HEBP1: variants seen among roughly 807,000 people sequenced by gnomAD.
The protein encoded by HEBP1 is heme-binding protein 1.
HEBP1 carries 13 observed loss-of-function variants against 20.4 expected under a neutral mutation model. That is an observed-to-expected ratio of 0.64 (90% CI 0.42 to 1.01). The LOEUF (loss-of-function observed/expected upper bound fraction) is 1.01. HEBP1 is among the 50% of genes least tolerant of loss of function. The probability of loss-of-function intolerance (pLI) is 0.00; values close to 1 mark genes in which losing one functional copy is unlikely to be tolerated. For synonymous variants in HEBP1, 92 were observed against 90.7 expected (o/e 1.01, Z -0.08); for missense variants, 241 against 247.3 (o/e 0.97, Z 0.17).
intron 1 of HEBP1, among the ~76,000 whole-genome samples, chr12:12,993,012 C>T (rs1037700095): frequency 6.6e-6 from 1 of 152,158 alleles, no homozygotes; most frequent in Non-Finnish European, 1.5e-5. Context: ...GTCTAATACT[C>T]GTTGCAAGGT....
In HEBP1 at chr12:12,998,452, T is replaced by C. The variant is rs1257624073; in HGVS notation, c.78+1585A>G. 1.3e-5 allele frequency among the ~76,000 whole-genome samples: 2 copies of C among 152,150 alleles called. No individual in the cohort carries two copies. The highest frequency in any genetic ancestry group is 4.8e-5 in the African/African-American group (2 of 41,436). On this transcript the variant is annotated intron_variant, in intron 1 of 3. Transcript: ENST00000014930. The surrounding 1 kb of genome is among the most constrained non-coding windows in gnomAD (Gnocchi z 4.2). ...GCCGTTTAGAGATGGGGACCTGAGT[T>C]CACTCTCTGATTTGCCTCAGTCCCC...
intron 1 of HEBP1, among the ~76,000 whole-genome samples, chr12:12,990,127 CACACACACACACACACACACACAA>C (rs1419273596): frequency 0.017 from 318 of 18,630 alleles, 1 homozygote; most frequent in African/African-American, 0.022. Context: ...CACACACACA[CACACACACACACACACACACACAA>C]ACACACACAC....
intron 3 of HEBP1, chr12:12,979,841 A>G (rs1592399467): frequency 6.6e-6 from 1 of 152,206 alleles, no homozygotes; most frequent in Non-Finnish European, 1.5e-5. Flanking sequence ...AATCTCAAAC[A>G]TACACACACC....
rs186343247 is a variant in HEBP1, at chr12:12,976,450, A to G, written c.399-971T>C. On this transcript the variant is annotated intron_variant, in intron 3 of 3. Transcript: ENST00000014930. ...CACTCTAAATCTGGGTTGCACTAAA[A>G]TTTTTATTAGAGTCAAGTACATCCC... 3.8e-3 allele frequency among the ~76,000 whole-genome samples: 577 copies of G among 152,270 alleles called. 5 individuals are homozygous for G. The highest frequency in any genetic ancestry group is 3.8e-3 in the Non-Finnish European group (256 of 68,030).
At chr12:12,989,069 A>T (rs1298420147) in intron 2 of HEBP1, among the ~76,000 whole-genome samples, 1 of 152,234 alleles carries the variant, frequency 6.6e-6, no homozygotes, top group Non-Finnish European at 1.5e-5. Context: ...GATGCCTTCA[A>T]GTGAGGGACA....
rs557898215 is a variant in HEBP1 at position 12,991,383 on chromosome 12, C to T, written c.79-1968G>A. 3.9e-5 allele frequency among the ~76,000 whole-genome samples: 6 copies of T among 152,336 alleles called. No homozygotes were observed. The East Asian group carries it at 9.6e-4, about 24-fold the overall frequency. On this transcript the variant is annotated intron_variant, in intron 1 of 3. Coordinates refer to ENST00000014930, the MANE Select transcript of HEBP1 (RefSeq NM_015987.5). Reference sequence around the variant, plus strand: ...GACACAGCATATCCTCTCCCTAACTCTTGTCTCACTAAATCACAGCCTCCC... The same window carrying T: ...GACACAGCATATCCTCTCCCTAACTTTTGTCTCACTAAATCACAGCCTCCC...
rs1385415322 is a variant in HEBP1 at position 12,996,908 on chromosome 12, T to A, written c.78+3129A>T. Reference sequence around the variant, plus strand: ...TATGAACTATTATTTTCTTCCACAATTAGCTTCAGAGGGGCTAAGTTGGCC... The same window carrying A: ...TATGAACTATTATTTTCTTCCACAAATAGCTTCAGAGGGGCTAAGTTGGCC... On this transcript the variant is annotated intron_variant, in intron 1 of 3. Coordinates refer to ENST00000014930, the MANE Select transcript of HEBP1 (RefSeq NM_015987.5). This position sits in a 1 kb window ranked among gnomAD's most constrained non-coding sequence, Gnocchi z 4.1. 2.0e-5 allele frequency among the ~76,000 whole-genome samples: 3 copies of A among 152,192 alleles called. No individual in the cohort carries two copies. The highest frequency in any genetic ancestry group is 4.4e-5 in the Non-Finnish European group (3 of 68,038).
At position 12,986,217 on chromosome 12, in the gene HEBP1, T is replaced by TAAAAAATACATTCAAAA. The variant is rs1864150485; in HGVS notation, c.398+934_398+935insTTTTGAATGTATTTTTT. The TAAAAAATACATTCAAAA allele has an allele frequency of 2.0e-5, 3 of 152,372 alleles. No individual in the cohort carries two copies. The highest frequency in any genetic ancestry group is 2.9e-5 in the Non-Finnish European group (2 of 68,068). 9.4% of individuals were successfully genotyped at this position (152,372 alleles called of 1,614,324 possible). On this transcript the variant is annotated intron_variant, in intron 3 of 3. Transcript: ENST00000014930. The surrounding 1 kb of genome is among the most constrained non-coding windows in gnomAD (Gnocchi z 4.3). The stretch of plus-strand genomic sequence containing the variant: ...ACATTCACTGTCCTCTGGAGGGCCC[T>TAAAAAATACATTCAAAA]GCAGTCACCTGGCCTAGGACTACAC...
At chr12:12,993,805 A>G (rs1184394133) in intron 1 of HEBP1, among the ~76,000 whole-genome samples, 1 of 152,174 alleles carries the variant, frequency 6.6e-6, no homozygotes, top group East Asian at 1.9e-4. Context: ...GCTATAAGGG[A>G]AGATGCCAGG....
intron 3 of HEBP1, chr12:12,979,818 A>G (rs952508363): frequency 6.6e-6 from 1 of 152,202 alleles, no homozygotes; most frequent in African/African-American, 2.4e-5. Flanking sequence ...TTTGGTTACC[A>G]TGGGAACTGA....
At chr12:12,981,901 C>T (rs776801584) in intron 3 of HEBP1, among the ~76,000 whole-genome samples, 2 of 152,118 alleles carry the variant, frequency 1.3e-5, no homozygotes, top group Non-Finnish European at 2.9e-5. Context: ...TGATGGGGAC[C>T]AAGATCTTTA....
chr12:12,998,654 G>A lies in HEBP1; in HGVS notation c.78+1383C>T, dbSNP rs992382572. 6.6e-6 allele frequency among the ~76,000 whole-genome samples: 1 copy of A among 152,198 alleles called. No homozygotes were observed. Among genetic ancestry groups the A allele is most frequent in the African/African-American group, 2.4e-5 (1 of 41,446 alleles). On this transcript the variant is annotated intron_variant, in intron 1 of 3. Coordinates refer to ENST00000014930, the MANE Select transcript of HEBP1 (RefSeq NM_015987.5). The surrounding 1 kb of genome is among the most constrained non-coding windows in gnomAD (Gnocchi z 4.2). ...TTTGGTTGTCAAAGAGTTCAGATTA[G>A]AGTCTAATTGAGGGCTTTCGTGATA...
chr12:12,999,912 C>T (rs549584842), intron 1 of HEBP1, 125 bp downstream of exon 1: 4 of 556,342 alleles, frequency 7.2e-6, no homozygotes, highest in East Asian at 6.6e-5. Context: ...TCGCGACAGA[C>T]ACCAGAACGC....
Position 12,975,367 on chromosome 12 carries a change from A to G in HEBP1, c.511T>C (p.Tyr171His). The G allele has an allele frequency of 1.2e-6, 2 of 1,614,080 alleles. No individual in the cohort carries two copies. The highest frequency in any genetic ancestry group is 1.7e-6 in the Non-Finnish European group (2 of 1,179,990). Residue 171 changes from tyrosine to histidine, a missense_variant, in exon 4 of 4, where the codon TAT becomes CAT. Tyr to His is a moderately conservative substitution (Grantham distance 83). Coordinates refer to ENST00000014930, the MANE Select transcript of HEBP1 (RefSeq NM_015987.5). ...CCGTAGGGCTTCATGGGAGGGTCAT[A>G]ACCCGTGCAGAAGTAGATGTCCCCC... The part of the protein sequence containing the change: ...YRGDIYFCTG[Y>H]DPPMKPYGRR...
At chr12:12,983,974 G>A (rs891572093) in intron 3 of HEBP1, 4 of 303,834 alleles carry the variant, frequency 1.3e-5, no homozygotes, top group South Asian at 2.8e-5. Context: ...AGAGGCTCCC[G>A]CTGGCCAACA....
rs535002734 is a variant in HEBP1 at position 13,000,018 on chromosome 12, G to A, written c.78+19C>T. On this transcript the variant is annotated intron_variant, in intron 1 of 3. Coordinates refer to ENST00000014930, the MANE Select transcript of HEBP1 (RefSeq NM_015987.5). ...GGAGGCAGCAATCCTTCAGGTCCTC[G>A]GCAGCCCTGCGGGCCTACCTTGTCC... The A allele has an allele frequency of 2.5e-6, 4 of 1,584,708 alleles. No individual in the cohort carries two copies. Among genetic ancestry groups the A allele is most frequent in the South Asian group, 1.1e-5 (1 of 88,950 alleles).
At chr12:12,981,861 T>TC (rs1864087243) in intron 3 of HEBP1, among the ~76,000 whole-genome samples, 2 of 152,128 alleles carry the variant, frequency 1.3e-5, no homozygotes, top group Admixed American at 6.5e-5. Context: ...GGCTGGAAAG[T>TC]TACCAACACA....
At chr12:12,983,522 G>A in intron 3 of HEBP1, 1 of 346,768 alleles carries the variant, frequency 2.9e-6, no homozygotes, top group South Asian at 2.2e-5. Flanking sequence ...GAGTACTTTT[G>A]CATTTGAAGT....
chr12:12,988,105 A>C (rs1327126734), intron 2 of HEBP1, among the ~76,000 whole-genome samples: 2 of 152,350 alleles, frequency 1.3e-5, no homozygotes, highest in South Asian at 2.1e-4. Flanking sequence ...ATGCTTAAGA[A>C]GACTCTGGTA....
Sources: allele counts gnomAD v4.1 joint callset (sites outside exome capture counted in the v4.1 genomes callset), GRCh38; gene constraint gnomAD v4.1.1; non-coding constraint Gnocchi (gnomAD v3.1); transcripts MANE v1.5; gene names NCBI Gene and HGNC (gene_info 2026-07-23, HGNC 2026-07-21).